Variants in ITGA1 observed in about 807,000 individuals in gnomAD.
ITGA1 encodes the protein integrin subunit alpha 1, also known as integrin alpha-1.
ITGA1 carries 85 observed loss-of-function variants against 145.9 expected under a neutral mutation model. That is an observed-to-expected ratio of 0.58 (90% CI 0.49 to 0.70). The LOEUF (loss-of-function observed/expected upper bound fraction) is 0.70. ITGA1 is among the 30% of genes least tolerant of loss of function. The probability of loss-of-function intolerance (pLI) is 0.00; values close to 1 mark genes in which losing one functional copy is unlikely to be tolerated. For missense variants in ITGA1, 1,351 were observed against 1,418.7 expected (o/e 0.95, Z 0.77); for synonymous variants, 520 against 495.3 (o/e 1.05, Z -0.66).
intron 26 of ITGA1, among the ~76,000 whole-genome samples, chr5:52,941,861 T>A (rs1751058477): frequency 6.6e-6 from 1 of 152,190 alleles, no homozygotes; most frequent in African/African-American, 2.4e-5. Flanking sequence ...AAGACCAATG[T>A]CAGAGAGGGT....
intron 14 of ITGA1, among the ~76,000 whole-genome samples, chr5:52,912,876 A>G (rs192715369): frequency 6.6e-6 from 1 of 151,704 alleles, no homozygotes; most frequent in East Asian, 1.9e-4. Flanking sequence ...TCTCCCGAGG[A>G]ACTGGGACTA....
At chr5:52,915,337 C>G in intron 14 of ITGA1, 127 bp from the exon 15 acceptor site, 1 of 965,618 alleles carries the variant, frequency 1.0e-6, no homozygotes, top group Non-Finnish European at 1.6e-6. Flanking sequence ...CATGAGGGAC[C>G]TCTTGGGCGG....
At position 52,893,750 on chromosome 5, in the gene ITGA1, C is replaced by G. The variant is rs373307316; in HGVS notation, c.1000C>G (p.Pro334Ala). The change falls in exon 9 of 29, where the codon CCC (proline) becomes GCC (alanine). Residue 334 changes from proline to alanine, a missense_variant. Physicochemically the swap from Pro to Ala is conservative, Grantham distance 27. Coordinates refer to ENST00000282588, the MANE Select transcript of ITGA1 (RefSeq NM_181501.2). ...GGAAATAAAATCAATTGCAAGTGAACCCACTGAAAAGCATTTCTTCAATGT... is the reference window on the plus strand; with the variant it reads ...GGAAATAAAATCAATTGCAAGTGAAGCCACTGAAAAGCATTTCTTCAATGT... The part of the protein sequence containing the change: ...VEEIKSIASE[P>A]TEKHFFNVSD... 8.7e-6 allele frequency: 14 copies of G among 1,612,522 alleles called. No homozygotes were observed. Among genetic ancestry groups the G allele is most frequent in the Middle Eastern group, 1.6e-4 (1 of 6,078 alleles).
Position 52,920,376 on chromosome 5 carries a change from C to T in ITGA1, c.2200C>T (p.Arg734Ter), listed in dbSNP as rs1199064994. 9 of 1,611,110 alleles carry T rather than the reference C, an allele frequency of 5.6e-6. No individual in the cohort carries two copies. Among genetic ancestry groups the T allele is most frequent in the African/African-American group, 2.7e-5 (2 of 74,758 alleles). Residue 734 changes from arginine (R) to a stop codon, truncating the protein, a stop_gained, in exon 17 of 29, where the codon CGA (arginine) becomes TGA (stop). Coordinates refer to ENST00000282588, the MANE Select transcript of ITGA1 (RefSeq NM_181501.2). LOFTEE classifies it high-confidence loss of function. ...CCTAGATTCACTAAGACAAATATCA[C>T]GAAGTTTTTTCTCTGGAACTCAAGA... Reference protein sequence around the residue: ...VTLDSLRQISRSFFSGTQERK... With the variant: ...VTLDSLRQIS
rs926933805 is a variant in ITGA1, at chr5:52,865,964, T to C, written c.624+147T>C. The C allele has an allele frequency of 8.1e-6, 5 of 618,116 alleles. No homozygotes were observed. The African/African-American group carries it at 9.8e-5, about 12-fold the overall frequency. 38.3% of individuals were successfully genotyped at this position (618,116 alleles called of 1,614,324 possible). On this transcript the variant is annotated intron_variant, in intron 6 of 28. Transcript: ENST00000282588. ...ATCCATTTCCTGTTCTTATTTCTGA[T>C]AAAAAGGACATTACTTTAAGCTGTG... is the stretch of plus-strand genomic sequence containing the variant.
At chr5:52,828,659 ATG>A (rs1335670089) in intron 1 of ITGA1, among the ~76,000 whole-genome samples, 3 of 152,180 alleles carry the variant, frequency 2.0e-5, no homozygotes, top group Admixed American at 6.5e-5. Flanking sequence ...AAAAATGAGC[ATG>A]TGTTTCCTTT....
At chr5:52,940,097 G>A (rs942395255) in intron 26 of ITGA1, among the ~76,000 whole-genome samples, 153 bp downstream of exon 26, 1 of 152,164 alleles carries the variant, frequency 6.6e-6, no homozygotes, top group Non-Finnish European at 1.5e-5. Context: ...TACTTAACCA[G>A]CTATGTGTGT....
chr5:52,927,397 A>C (rs1192112069), intron 19 of ITGA1, among the ~76,000 whole-genome samples, 187 bp from the exon 20 acceptor site: 1 of 152,204 alleles, frequency 6.6e-6, no homozygotes, highest in Admixed American at 6.5e-5. Flanking sequence ...GGCACCCACA[A>C]GTGATGTTTT....
intron 28 of ITGA1, among the ~76,000 whole-genome samples, chr5:52,950,998 T>G (rs910346880): frequency 6.6e-6 from 1 of 152,152 alleles, no homozygotes; most frequent in Non-Finnish European, 1.5e-5. Flanking sequence ...AAAAACTTAT[T>G]GTTTTCATGT....
intron 1 of ITGA1, among the ~76,000 whole-genome samples, chr5:52,814,743 G>A (rs1748738472): frequency 6.6e-6 from 1 of 151,728 alleles, no homozygotes; most frequent in South Asian, 2.1e-4. Flanking sequence ...AAAAAAGGGG[G>A]GGAAAGAAAA....
At position 52,953,783 on chromosome 5, in the gene ITGA1, T is replaced by C. The variant is rs1372296985; in HGVS notation, c.*1332T>C. On this transcript the variant is annotated 3_prime_UTR_variant, in exon 29 of 29. Transcript: ENST00000282588. Reference sequence around the variant, plus strand: ...AATGAATGAATGTATAGTAGCTGCATGTGTGAACTACTGCTGTAAAGTTTG... The same window carrying C: ...AATGAATGAATGTATAGTAGCTGCACGTGTGAACTACTGCTGTAAAGTTTG... The C allele has an allele frequency of 6.6e-6, 1 of 152,202 alleles. No individual in the cohort carries two copies. The highest frequency in any genetic ancestry group is 2.4e-5 in the African/African-American group (1 of 41,454). The allele number at this position is 152,202 out of a possible 1,614,324, so 9.4% of individuals were successfully genotyped here. A position where few individuals can be genotyped will look rare whatever the true frequency, so the allele number is the denominator to read the frequency against.
intron 14 of ITGA1, among the ~76,000 whole-genome samples, chr5:52,914,790 A>G (rs1750617490): frequency 6.6e-6 from 1 of 152,222 alleles, no homozygotes; most frequent in South Asian, 2.1e-4. Flanking sequence ...TGTTAAAAGC[A>G]TTAGCTTAAG....
In ITGA1 at chr5:52,926,611, A is replaced by AATT. The variant is rs529864505; in HGVS notation, c.2614-952_2614-950dup. On this transcript the variant is annotated intron_variant, in intron 19 of 28. Coordinates refer to ENST00000282588, the MANE Select transcript of ITGA1 (RefSeq NM_181501.2). The stretch of plus-strand genomic sequence containing the variant: ...GGGAGAACAAGACTCTGTCTCAAAA[A>AATT]ATTATTATTATTATTATTATTATAA... 1.0e-3 allele frequency among the ~76,000 whole-genome samples: 158 copies of AATT among 151,616 alleles called. No homozygotes were observed. The Middle Eastern group carries it at 0.014, about 13-fold the overall frequency.
At chr5:52,930,632 T>C (rs1750881310) in intron 21 of ITGA1, among the ~76,000 whole-genome samples, 1 of 152,100 alleles carries the variant, frequency 6.6e-6, no homozygotes, top group African/African-American at 2.4e-5. Context: ...GAAAGCTTTA[T>C]CAAGGAACTT....
chr5:52,831,592 T>C (rs907707965), intron 1 of ITGA1, among the ~76,000 whole-genome samples: 1 of 151,822 alleles, frequency 6.6e-6, no homozygotes, highest in African/African-American at 2.4e-5. Context: ...ACAATAACAG[T>C]AATCACTTAT....
At chr5:52,886,818 GC>G (rs1179353644) in intron 7 of ITGA1, among the ~76,000 whole-genome samples, 5 of 151,986 alleles carry the variant, frequency 3.3e-5, no homozygotes, top group Admixed American at 6.5e-5. Context: ...TCGCTCTGTC[GC>G]CCAGGCTGGA....
intron 7 of ITGA1, among the ~76,000 whole-genome samples, chr5:52,886,801 A>C (rs115978247): frequency 0.026 from 4,033 of 152,192 alleles, 202 homozygotes; most frequent in African/African-American, 0.093. Context: ...TGAGACGGGA[A>C]GGTGTCTCGC....
At chr5:52,897,997 T>G (rs982329122) in intron 10 of ITGA1, among the ~76,000 whole-genome samples, 10 of 152,158 alleles carry the variant, frequency 6.6e-5, no homozygotes, top group African/African-American at 2.4e-4. Flanking sequence ...AAAAGAATAT[T>G]GACATTTCCA....
At chr5:52,932,183 G>C in intron 22 of ITGA1, 47 bp downstream of exon 22, 1 of 1,216,942 alleles carries the variant, frequency 8.2e-7, no homozygotes, top group South Asian at 1.3e-5. Context: ...TATTAACCCA[G>C]TGGTTCTGAA....
Sources: gnomAD v4.1 joint callset for allele counts (sites outside exome capture counted in the v4.1 genomes callset) on GRCh38, gnomAD v4.1.1 for gene constraint, MANE v1.5 for transcripts, NCBI Gene and HGNC (gene_info 2026-07-23, HGNC 2026-07-21) for gene names.